PDK3: variants seen among roughly 807,000 people sequenced by gnomAD.
PDK3 encodes pyruvate dehydrogenase kinase, isozyme 3.
A neutral mutation model predicts 32.0 loss-of-function variants in PDK3; 12 were observed. The observed-to-expected ratio is 0.37, with a 90% CI of 0.24 to 0.61. The LOEUF (loss-of-function observed/expected upper bound fraction) is 0.61, where lower values mean the gene tolerates loss of function less well. Ranked by LOEUF, PDK3 falls within the 20% of genes least tolerant of loss-of-function variation. The pLI is 0.65. For missense variants in PDK3, 188 were observed against 316.9 expected (o/e 0.59, Z 3.09); for synonymous variants, 122 against 116.3 (o/e 1.05, Z -0.31).
intron 1 of PDK3, among the ~76,000 whole-genome samples, chrX:24,484,953 T>C (rs887424735): frequency 8.1e-5 from 9 of 111,610 alleles, no homozygotes; most frequent in Non-Finnish European, 1.7e-4. Flanking sequence ...TACTTAAGTA[T>C]GTATGTCCTC....
intron 1 of PDK3, among the ~76,000 whole-genome samples, chrX:24,466,327 A>T (rs979970315): frequency 1.8e-5 from 2 of 112,063 alleles, no homozygotes; most frequent in African/African-American, 6.5e-5. Context: ...AATAGATTCC[A>T]CCACCTTCTG....
rs531366297 is a variant in PDK3, at chrX:24,466,610, T to C, written c.106+1049T>C. On this transcript the variant is annotated intron_variant, in intron 1 of 10. Coordinates refer to ENST00000379162, the MANE Select transcript of PDK3 (RefSeq NM_005391.5). ...TAGAACATTTGAGGAAGACCTGATATGCAAAAAGTGATGTCCATACTTTTT... is the reference window on the plus strand; with the variant it reads ...TAGAACATTTGAGGAAGACCTGATACGCAAAAAGTGATGTCCATACTTTTT... Among the ~76,000 whole-genome samples, 13 of 110,708 alleles carry C rather than the reference T, an allele frequency of 1.2e-4. No individual in the cohort carries two copies. The South Asian group carries it at 5.0e-3, about 42-fold the overall frequency.
At chrX:24,521,131 T>C (rs1424642541) in intron 6 of PDK3, among the ~76,000 whole-genome samples, 1 of 108,946 alleles carries the variant, frequency 9.2e-6, no homozygotes, top group Non-Finnish European at 1.9e-5. Context: ...ATAGAAAAAT[T>C]AGCTGGACAT....
At chrX:24,481,938 CTA>C (rs1262873282) in intron 1 of PDK3, among the ~76,000 whole-genome samples, 2 of 112,186 alleles carry the variant, frequency 1.8e-5, no homozygotes, top group Admixed American at 1.9e-4. Context: ...AAGGAAGAGA[CTA>C]TGCCAGTCAT....
exon 12 of PDK3, chrX:24,549,431 C>T (rs1923058286): frequency 8.9e-6 from 1 of 112,181 alleles, no homozygotes; most frequent in Non-Finnish European, 1.9e-5. Context: ...GCAAAGTTTA[C>T]TTAGGAAATG....
chrX:24,531,239 T>C (rs1569227833), intron 9 of PDK3, among the ~76,000 whole-genome samples: 1 of 111,122 alleles, frequency 9.0e-6, no homozygotes, highest in Non-Finnish European at 1.9e-5. Flanking sequence ...CTAATTTTTG[T>C]AGTAGAGATG....
chrX:24,545,811 A>G (rs1922984818), exon 12 of PDK3: 1 of 111,783 alleles, frequency 8.9e-6, no homozygotes, highest in Non-Finnish European at 1.9e-5. Flanking sequence ...CAGGGGTCAA[A>G]GCAGACAGAA....
rs935401636 is a variant in PDK3, at chrX:24,534,135, T to C, written c.*63T>C. On this transcript the variant is annotated 3_prime_UTR_variant, in exon 11 of 11. Coordinates refer to ENST00000379162, the MANE Select transcript of PDK3 (RefSeq NM_005391.5). ...GTCTGAATAAAGGTGTCCCACTCAC[T>C]GTTCCAGGAATTCTTGCAGTGTAGA... 2.7e-6 allele frequency: 3 copies of C among 1,104,105 alleles called. No individual in the cohort carries two copies. The African/African-American group carries it at 5.4e-5, about 20-fold the overall frequency. 91.0% of individuals were successfully genotyped at this position (1,104,105 alleles called of 1,213,427 possible).
In PDK3 at chrX:24,531,723, C is replaced by T; in HGVS notation, c.1030C>T (p.Leu344=). The change falls in exon 10 of 11, where the codon CTG becomes TTG. Residue 344 remains leucine (L), a synonymous_variant. Transcript: ENST00000379162. Reference sequence around the variant, plus strand: ...TAGATATTTTCAAGGAGATCTGAAACTGTATTCCATGGAAGGAGTGGGTAC... The same window carrying T: ...TAGATATTTTCAAGGAGATCTGAAATTGTATTCCATGGAAGGAGTGGGTAC... ...YARYFQGDLK[L]YSMEGVGTDA... is the part of the protein sequence containing the mutation. 2 of 1,197,096 alleles carry T rather than the reference C, an allele frequency of 1.7e-6. No homozygotes were observed. Among genetic ancestry groups the T allele is most frequent in the Non-Finnish European group, 2.3e-6 (2 of 882,290 alleles).
chrX:24,549,671 C>G (rs778789892), exon 12 of PDK3: 14 of 111,841 alleles, frequency 1.3e-4, no homozygotes, highest in Non-Finnish European at 2.3e-4. Context: ...AAGAACGGAA[C>G]ATACCACTTT....
At position 24,544,263 on chromosome X, in the gene PDK3, A is replaced by G. The variant is rs1387947900; in HGVS notation, c.*5099A>G. ...GGGGGTGGCCGGGTCCCATTGGGAG[A>G]CAGATCCTCTTTGCATTTCCCCATT... is the stretch of plus-strand genomic sequence containing the variant. On this transcript the variant is annotated 3_prime_UTR_variant, in exon 12 of 12. Transcript: ENST00000568479. 3.6e-5 allele frequency among the ~76,000 whole-genome samples: 4 copies of G among 110,825 alleles called. No homozygotes were observed. The Admixed American group carries it at 3.9e-4, about 11-fold the overall frequency.
chrX:24,475,391 T>C (rs1272209199), intron 1 of PDK3, among the ~76,000 whole-genome samples: 5 of 111,578 alleles, frequency 4.5e-5, no homozygotes, highest in Non-Finnish European at 9.4e-5. Context: ...GCACTGTGGC[T>C]AATGCCTGTA....
downstream of PDK3, chrX:24,539,165 A>C (rs1310233420): frequency 9.0e-7 from 1 of 1,111,794 alleles, no homozygotes; most frequent in South Asian, 2.0e-5. Flanking sequence ...AACTTTCTAG[A>C]GGACTGAATG....
chrX:24,499,836 G>A (rs1921807658), intron 3 of PDK3, among the ~76,000 whole-genome samples: 1 of 111,967 alleles, frequency 8.9e-6, no homozygotes, highest in Non-Finnish European at 1.9e-5. Context: ...AAAATTCAAA[G>A]GAAAAACAAA....
At chrX:24,491,247 G>A (rs2148186934) in intron 1 of PDK3, among the ~76,000 whole-genome samples, 1 of 104,995 alleles carries the variant, frequency 9.5e-6, no homozygotes, top group East Asian at 2.9e-4. Context: ...CTCGGGAGGT[G>A]GAGGTTGGGT....
intron 6 of PDK3, among the ~76,000 whole-genome samples, chrX:24,524,044 A>G (rs1336484435): frequency 8.9e-6 from 1 of 112,358 alleles, no homozygotes; most frequent in African/African-American, 3.2e-5. Flanking sequence ...TCTGAGAGAA[A>G]ATCATTTCAA....
chrX:24,492,091 A>G (rs1921577320), intron 1 of PDK3, among the ~76,000 whole-genome samples: 1 of 112,385 alleles, frequency 8.9e-6, no homozygotes, highest in Non-Finnish European at 1.9e-5. Context: ...TGGCATGTGA[A>G]AAGCTAGACT....
chrX:24,488,677 A>G (rs1372846364), intron 1 of PDK3, among the ~76,000 whole-genome samples: 1 of 112,150 alleles, frequency 8.9e-6, no homozygotes, highest in Non-Finnish European at 1.9e-5. Context: ...AGCCTGGGCA[A>G]CAGAGAGAGA....
At chrX:24,538,720 G>A (rs1449244155), downstream of PDK3, among the ~76,000 whole-genome samples, 1 of 111,581 alleles carries the variant, frequency 9.0e-6, no homozygotes, top group African/African-American at 3.3e-5. Flanking sequence ...GCAGCAGTGA[G>A]CCAAGATCAC....
Sources: gnomAD v4.1 joint callset for allele counts (sites outside exome capture counted in the v4.1 genomes callset) on GRCh38, gnomAD v4.1.1 for gene constraint, MANE v1.5 for transcripts, NCBI Gene and HGNC (gene_info 2026-07-23, HGNC 2026-07-21) for gene names.